The following GREP1 variants were observed in gnomAD, a reference collection of about 807,000 sequenced individuals.
GREP1 encodes glycine-rich extracellular protein 1.
chr16:2,988,768 G>T, intron 2 of GREP1, 146 bp downstream of exon 2: 1 of 398,120 alleles, frequency 2.5e-6, no homozygotes, highest in East Asian at 3.6e-5. Context: ...CTCATCAAGT[G>T]TCCACTCAAG....
chr16:2,989,694 G>T lies in GREP1; in HGVS notation c.130+142G>T. On this transcript the variant is annotated intron_variant, in intron 3 of 34. Coordinates refer to ENST00000573315, the Ensembl canonical transcript of GREP1. This position sits in a 1 kb window ranked among gnomAD's most constrained non-coding sequence, Gnocchi z 4.2. Reference sequence around the variant, plus strand: ...CAGAAATACATGGGGACAGAGCATAGCCCCAGAGTGTCCCCCAGGCACCCT... The same window carrying T: ...CAGAAATACATGGGGACAGAGCATATCCCCAGAGTGTCCCCCAGGCACCCT... 1 of 399,338 alleles carries T rather than the reference G, an allele frequency of 2.5e-6. No homozygotes were observed. 24.7% of individuals were successfully genotyped at this position (399,338 alleles called of 1,614,324 possible).
At chr16:2,995,706 A>C (rs2151101100) in intron 16 of GREP1, 33 bp from the exon 17 acceptor site, 1 of 398,664 alleles carries the variant, frequency 2.5e-6, no homozygotes, top group African/African-American at 2.1e-5. Flanking sequence ...GGGGCCCCTG[A>C]GTCACTCACC....
rs377325681 is a variant in GREP1 at position 2,989,029 on chromosome 16, G to A, written c.100+407G>A. ...AGGGACCTGGGGGGTCCTAAGGGTA[G>A]AAGGAGGGGCTGCCCCTGAGCCCTG... On this transcript the variant is annotated intron_variant, in intron 2 of 34. Coordinates refer to ENST00000573315, the Ensembl canonical transcript of GREP1. The surrounding 1 kb of genome is among the most constrained non-coding windows in gnomAD (Gnocchi z 4.2). The A allele has an allele frequency of 1.0e-3, 256 of 252,228 alleles. 3 individuals carry two copies. Among genetic ancestry groups the A allele is most frequent in the African/African-American group, 5.3e-3 (238 of 45,268 alleles). 15.6% of individuals were successfully genotyped at this position (252,228 alleles called of 1,614,324 possible). A position where few individuals can be genotyped will look rare whatever the true frequency, so the allele number is the denominator to read the frequency against.
chr16:2,988,437 G>C (rs749020010), intron 1 of GREP1, 97 bp downstream of exon 1: 45 of 399,182 alleles, frequency 1.1e-4, no homozygotes, highest in Non-Finnish European at 1.8e-4. Context: ...TGGGGTTCTG[G>C]AGACAAGGAG....
In GREP1 at chr16:3,001,277, ACAGGGGGCCC is replaced by A. The variant is rs1434903373; in HGVS notation, c.1532-2_1539del. ...TGCTCCTGGTCTGTCTGTCTGTGCC[ACAGGGGGCCC>A]CGACGTGAAGAGAGGCAGCAATGGC... On this transcript the variant is annotated splice_acceptor_variant and splice_polypyrimidine_tract_variant and coding_sequence_variant and intron_variant, in exon 34 of 35. Coordinates refer to ENST00000573315, the Ensembl canonical transcript of GREP1. LOFTEE classifies it high-confidence loss of function. 1 of 399,016 alleles carries A rather than the reference ACAGGGGGCCC, an allele frequency of 2.5e-6. No homozygotes were observed. The highest frequency in any genetic ancestry group is 2.1e-5 in the African/African-American group (1 of 48,604). The allele number at this position is 399,016 out of a possible 1,614,324, so 24.7% of individuals were successfully genotyped here. A position where few individuals can be genotyped will look rare whatever the true frequency, so the allele number is the denominator to read the frequency against.
At chr16:3,000,297 G>C (rs919307629) in exon 30 of GREP1, 8 of 399,222 alleles carry the variant, frequency 2.0e-5, no homozygotes, top group Non-Finnish European at 3.1e-5. Context: ...TGCAGGTTTA[G>C]GTTATGGGAA....
chr16:2,988,859 G>A, intron 2 of GREP1: 1 of 392,314 alleles, frequency 2.5e-6, no homozygotes, highest in Non-Finnish European at 4.5e-6. Flanking sequence ...GCCTGGGCAG[G>A]CTGAGAAGGG....
intron 2 of GREP1, chr16:2,988,842 A>AGGAC (rs1203455153): frequency 2.5e-6 from 1 of 392,514 alleles, no homozygotes; most frequent in African/African-American, 2.1e-5. Context: ...TGCAGCCCTG[A>AGGAC]GGACGGGCCT....
chr16:2,990,901 C>T (rs1309288319), intron 7 of GREP1, 147 bp from the exon 7 acceptor site: 3 of 398,124 alleles, frequency 7.5e-6, no homozygotes, highest in African/African-American at 2.1e-5. Flanking sequence ...ATCTCTCTTC[C>T]CAGGCTTTGG....
chr16:2,994,490 C>A (rs2072414411), intron 10 of GREP1: 2 of 379,236 alleles, frequency 5.3e-6, no homozygotes, highest in Non-Finnish European at 9.3e-6. Flanking sequence ...GCCTGGGCAA[C>A]AAGAGCGAGA....
At chr16:2,999,244 C>T in intron 26 of GREP1, 1 of 398,842 alleles carries the variant, frequency 2.5e-6, no homozygotes, top group Non-Finnish European at 4.4e-6. Flanking sequence ...CTGCCCCTAA[C>T]CTTCCTCCTA....
intron 18 of GREP1, among the ~76,000 whole-genome samples, chr16:2,996,099 A>ATT (rs1407482173): frequency 6.6e-6 from 1 of 152,204 alleles, no homozygotes; most frequent in South Asian, 2.1e-4. Context: ...CACCTGGCTA[A>ATT]TTTTTGTATT....
chr16:2,994,767 G>A, intron 11 of GREP1, 39 bp from the exon 13 acceptor site: 1 of 399,196 alleles, frequency 2.5e-6, no homozygotes, highest in East Asian at 3.6e-5. Flanking sequence ...CCAGAGCTGG[G>A]GCCCCAGGTT....
chr16:2,995,231 G>A, intron 13 of GREP1, 53 bp from the exon 15 acceptor site: 2 of 398,888 alleles, frequency 5.0e-6, no homozygotes, highest in South Asian at 1.3e-4. Context: ...GTTCTGGGGT[G>A]GATCTGAGTT....
At chr16:2,993,010 T>C in intron 10 of GREP1, 47 bp downstream of exon 11, 1 of 398,886 alleles carries the variant, frequency 2.5e-6, no homozygotes, top group Non-Finnish European at 4.4e-6. Flanking sequence ...CCTATGCATC[T>C]GCCGCTGCTT....
At chr16:2,994,895 C>A (rs1239182492) in intron 12 of GREP1, 32 bp from the exon 14 acceptor site, 2 of 399,136 alleles carry the variant, frequency 5.0e-6, no homozygotes, top group African/African-American at 2.1e-5. Context: ...TCCCTCCCCT[C>A]ATTCATACCC....
chr16:2,990,271 C>T (rs1387072733), intron 5 of GREP1, 149 bp downstream of exon 5: 2 of 397,868 alleles, frequency 5.0e-6, no homozygotes, highest in Non-Finnish European at 8.8e-6. Context: ...GGGTCTTGTA[C>T]CCCCACCTCA....
chr16:2,996,462 C>A (rs547112312), intron 18 of GREP1, 34 bp from the exon 18 acceptor site: 85 of 398,922 alleles, frequency 2.1e-4, no homozygotes, highest in Non-Finnish European at 3.4e-4. Flanking sequence ...CTCCGAATGC[C>A]GCCGTCTCAC....
intron 1 of GREP1, 90 bp downstream of exon 1, chr16:2,988,430 G>C (rs953093970): frequency 5.0e-6 from 2 of 399,180 alleles, no homozygotes; most frequent in African/African-American, 4.1e-5. Context: ...CAGATGCTGG[G>C]GTTCTGGAGA....
Sources: allele counts gnomAD v4.1 joint callset (sites outside exome capture counted in the v4.1 genomes callset), GRCh38; gene constraint gnomAD v4.1.1; non-coding constraint Gnocchi (gnomAD v3.1); transcripts MANE v1.5; gene names NCBI Gene and HGNC (gene_info 2026-07-23, HGNC 2026-07-21).